The following SCAF4 variants were observed in gnomAD, a reference collection of about 807,000 sequenced individuals.
SCAF4 encodes SR-related CTD associated factor 4, also known as SR-related and CTD-associated factor 4.
SCAF4 carries 25 observed loss-of-function variants against 129.8 expected under a neutral mutation model. The ratio of observed to expected loss-of-function variants is 0.19; its 90% confidence interval spans 0.14 to 0.27. The LOEUF (loss-of-function observed/expected upper bound fraction) is 0.27. SCAF4 is among the 10% of genes least tolerant of loss of function. SCAF4 has a pLI of 1.00. For synonymous variants in SCAF4, 551 were observed against 497.7 expected (o/e 1.11, Z -1.43); for missense variants, 1,246 against 1,457.1 (o/e 0.86, Z 2.36).
rs1388555825 is a variant in SCAF4 at position 31,671,733 on chromosome 21, C to T, written c.3110G>A (p.Ser1037Asn). The T allele has an allele frequency of 2.5e-6, 4 of 1,613,836 alleles. No individual in the cohort carries two copies. The highest frequency in any genetic ancestry group is 2.2e-5 in the East Asian group (1 of 44,890). The part of the protein sequence containing the change: ...NRDRREWGRR[S>N]PDRDRHRDLE... ...GTCTCTGTGCCTGTCCCGGTCAGGG[C>T]TCCTCCTTCCCCACTCTCTCCTGTC... The change falls in exon 20 of 20, where the codon AGC (serine) becomes AAC (asparagine). Residue 1037 changes from serine (S) to asparagine (N), a missense_variant. Ser to Asn is a conservative substitution (Grantham distance 46). Transcript: ENST00000286835.
intron 1 of SCAF4, 155 bp from the exon 2 acceptor site, chr21:31,706,512 G>A (rs1315174982): frequency 3.3e-6 from 2 of 606,572 alleles, no homozygotes; most frequent in South Asian, 2.0e-5. Context: ...AAGAGCTTTG[G>A]TGGCCAGGCA....
At chr21:31,684,773 T>C (rs887667855) in intron 19 of SCAF4, 1 of 436,646 alleles carries the variant, frequency 2.3e-6, no homozygotes, top group African/African-American at 2.0e-5. Flanking sequence ...CTATACCAAA[T>C]AAGGATGTGA....
intron 18 of SCAF4, 28 bp from the exon 19 acceptor site, chr21:31,685,268 G>A (rs754123972): frequency 6.5e-7 from 1 of 1,532,934 alleles, no homozygotes. Context: ...ATCAACATGT[G>A]AAGCTGAATA....
At position 31,694,850 on chromosome 21, in the gene SCAF4, G is replaced by T. The variant is rs2050346048; in HGVS notation, c.1199C>A (p.Ala400Glu). 6.2e-7 allele frequency: 1 copy of T among 1,614,014 alleles called. No homozygotes were observed. Among genetic ancestry groups the T allele is most frequent in the South Asian group, 1.1e-5 (1 of 91,088 alleles). Residue 400 changes from alanine to glutamate, a missense_variant, in exon 10 of 20, where the codon GCA (alanine) becomes GAA (glutamate). Around this residue, in one of 6 missense-constraint regions of SCAF4, gnomAD observed 236 missense variants for 210.0 expected, o/e 1.12. Coordinates refer to ENST00000286835, the MANE Select transcript of SCAF4 (RefSeq NM_020706.2). Reference protein sequence around the residue: ...VQQPFQASFQAQNEPLTQKPH... With the variant: ...VQQPFQASFQEQNEPLTQKPH... ...CTTCTGTGTAAGTGGTTCATTTTGTGCCTGAAAAGAAGCTTGGAAAGGCTG... is the reference window on the plus strand; with the variant it reads ...CTTCTGTGTAAGTGGTTCATTTTGTTCCTGAAAAGAAGCTTGGAAAGGCTG...
At chr21:31,717,928 C>A (rs1451855281) in intron 1 of SCAF4, among the ~76,000 whole-genome samples, 26 of 147,774 alleles carry the variant, frequency 1.8e-4, no homozygotes, top group African/African-American at 6.6e-4. Context: ...CACACACACA[C>A]ACACACACAC....
In SCAF4 at chr21:31,700,123, G is replaced by A. The variant is rs187260598; in HGVS notation, c.777+872C>T. Among the ~76,000 whole-genome samples the A allele has an allele frequency of 2.0e-5, 3 of 151,626 alleles. No individual in the cohort carries two copies. In the East Asian group the frequency reaches 5.8e-4, roughly 29 times the overall value. On this transcript the variant is annotated intron_variant, in intron 7 of 19. Coordinates refer to ENST00000286835, the MANE Select transcript of SCAF4 (RefSeq NM_020706.2). ...CTACAGGTGCACACCACCATACCCA[G>A]CTGGTTCCCAAACCCTCATATTATA... is the stretch of plus-strand genomic sequence containing the variant.
In SCAF4 at chr21:31,700,352, G is replaced by A. The variant is rs143358983; in HGVS notation, c.777+643C>T. 3.9e-3 allele frequency among the ~76,000 whole-genome samples: 588 copies of A among 152,012 alleles called. 4 individuals are homozygous for A. The highest frequency in any genetic ancestry group is 5.8e-3 in the Non-Finnish European group (394 of 67,992). On this transcript the variant is annotated intron_variant, in intron 7 of 19. Transcript: ENST00000286835. ...AACTCCTGGGCTCATGGGATCCTCC[G>A]TTCTCGACCTCCCAAAGTGTTGGGA...
chr21:31,704,262 C>G (rs2050602009), intron 3 of SCAF4, among the ~76,000 whole-genome samples: 1 of 151,946 alleles, frequency 6.6e-6, no homozygotes, highest in African/African-American at 2.4e-5. Context: ...TACAATTCAC[C>G]CTGCTCAAAA....
At chr21:31,707,488 A>C (rs549601447) in intron 1 of SCAF4, among the ~76,000 whole-genome samples, 53 of 152,024 alleles carry the variant, frequency 3.5e-4, no homozygotes, top group African/African-American at 1.3e-3. Context: ...CATAGAGTCC[A>C]TAGAGGGTTA....
chr21:31,694,630 T>C (rs2050339743), intron 10 of SCAF4, among the ~76,000 whole-genome samples, 183 bp downstream of exon 10: 1 of 152,216 alleles, frequency 6.6e-6, no homozygotes, highest in African/African-American at 2.4e-5. Flanking sequence ...CAGAATCCTA[T>C]GGAAGTTGGC....
At chr21:31,678,174 C>T (rs993220342) in intron 19 of SCAF4, among the ~76,000 whole-genome samples, 2 of 152,138 alleles carry the variant, frequency 1.3e-5, no homozygotes, top group African/African-American at 4.8e-5. Flanking sequence ...GACATCTGTA[C>T]CTGGGTATCA....
intron 1 of SCAF4, among the ~76,000 whole-genome samples, chr21:31,712,527 CTTTTTTTTT>C (rs567950595): frequency 8.1e-6 from 1 of 124,022 alleles, no homozygotes; most frequent in Non-Finnish European, 1.7e-5. Context: ...CTGATTCTCC[CTTTTTTTTT>C]TTTTTTTTTG....
chr21:31,694,113 A>G, intron 11 of SCAF4, 91 bp downstream of exon 11: 1 of 700,848 alleles, frequency 1.4e-6, no homozygotes, highest in African/African-American at 1.8e-5. Flanking sequence ...TTTTACTAAC[A>G]TTCTGAATAT....
chr21:31,713,148 C>T (rs544795266), intron 1 of SCAF4, among the ~76,000 whole-genome samples: 5 of 152,258 alleles, frequency 3.3e-5, no homozygotes, highest in Non-Finnish European at 7.4e-5. Flanking sequence ...ATTTATTAAT[C>T]TTAAATAAAA....
chr21:31,690,038 T>C (rs2833481), intron 15 of SCAF4, among the ~76,000 whole-genome samples: 35,699 of 152,128 alleles, frequency 0.23, 5,768 homozygotes, highest in East Asian at 0.52. Flanking sequence ...ATGCATTCTG[T>C]GATTTTCCCC....
rs758174243 is a variant in SCAF4, at chr21:31,731,703, C to A, written c.-11G>T. 2 of 1,579,362 alleles carry A rather than the reference C, an allele frequency of 1.3e-6. No homozygotes were observed. The highest frequency in any genetic ancestry group is 1.1e-5 in the South Asian group (1 of 88,448). ...GTTGACGGCGTCCATGTTCGCGCTG[C>A]GGCGGCGGCTGCTCCGGGCCCGCCG... is the stretch of plus-strand genomic sequence containing the variant. On this transcript the variant is annotated 5_prime_UTR_variant, in exon 1 of 20. Coordinates refer to ENST00000286835, the MANE Select transcript of SCAF4 (RefSeq NM_020706.2).
intron 14 of SCAF4, among the ~76,000 whole-genome samples, chr21:31,691,395 G>C (rs886130255): frequency 6.6e-6 from 1 of 152,062 alleles, no homozygotes; most frequent in Non-Finnish European, 1.5e-5. Context: ...ACTGACTTTA[G>C]CTCCTTAGGG....
At chr21:31,695,295 T>C (rs530840163) in intron 9 of SCAF4, among the ~76,000 whole-genome samples, 9 of 152,128 alleles carry the variant, frequency 5.9e-5, no homozygotes, top group Admixed American at 2.6e-4. Context: ...AAGTACTCCA[T>C]TGCAAATGGT....
intron 19 of SCAF4, among the ~76,000 whole-genome samples, chr21:31,673,893 T>C (rs1250020537): frequency 2.0e-5 from 3 of 151,680 alleles, no homozygotes; most frequent in East Asian, 1.9e-4. Flanking sequence ...AAATGACCAA[T>C]GTTTACTGTT....
Sources: gnomAD v4.1 joint callset for allele counts (sites outside exome capture counted in the v4.1 genomes callset) on GRCh38, gnomAD v4.1.1 for gene constraint, gnomAD v4.1.1 regional missense constraint, MANE v1.5 for transcripts, NCBI Gene and HGNC (gene_info 2026-07-23, HGNC 2026-07-21) for gene names.